The following C10orf67 variants were observed in gnomAD, a reference collection of about 807,000 sequenced individuals.
The protein encoded by C10orf67 is chromosome 10 open reading frame 67.
A neutral mutation model predicts 35.6 loss-of-function variants in C10orf67; 60 were observed. The ratio of observed to expected loss-of-function variants is 1.68; its 90% CI spans 1.37 to 2.09. The LOEUF is 2.09. Ranked by LOEUF, C10orf67 falls within the 30% of genes most tolerant of loss-of-function variation. The probability of loss-of-function intolerance (pLI) is 0.00; values close to 1 mark genes in which losing one functional copy is unlikely to be tolerated. For synonymous variants in C10orf67, 167 were observed against 115.8 expected, an observed-to-expected ratio of 1.44 and a Z score of -2.84; for missense variants, 474 against 330.2, an observed-to-expected ratio of 1.44 and a Z score of -3.38.
At chr10:23,274,816 G>C (rs1209624821) in intron 8 of C10orf67, among the ~76,000 whole-genome samples, 4 of 152,114 alleles carry the variant, frequency 2.6e-5, no homozygotes, top group Admixed American at 2.0e-4. Context: ...AATTATAAAA[G>C]TATTAATTTT....
At chr10:23,279,088 T>C (rs1843285197) in intron 8 of C10orf67, among the ~76,000 whole-genome samples, 1 of 152,208 alleles carries the variant, frequency 6.6e-6, no homozygotes, top group Admixed American at 6.5e-5. Context: ...CCTGTCTCTA[T>C]ATTTTATAAA....
intron 13 of C10orf67, among the ~76,000 whole-genome samples, chr10:23,226,887 C>T (rs924606890): frequency 2.6e-5 from 4 of 152,202 alleles, no homozygotes; most frequent in Admixed American, 2.0e-4. Flanking sequence ...AAGACTTAAC[C>T]AGGAAGAAGT....
At chr10:23,280,850 C>T (rs973271718) in intron 8 of C10orf67, among the ~76,000 whole-genome samples, 4 of 152,180 alleles carry the variant, frequency 2.6e-5, no homozygotes, top group African/African-American at 9.7e-5. Context: ...TCTATTGCTG[C>T]TAACAAACAA....
At chr10:23,337,803 C>G (rs1845745022) in intron 1 of C10orf67, among the ~76,000 whole-genome samples, 1 of 152,084 alleles carries the variant, frequency 6.6e-6, no homozygotes, top group Non-Finnish European at 1.5e-5. Context: ...GAAAAAACCT[C>G]AAGCCTGATT....
At chr10:23,208,059 G>A (rs908748211) in intron 15 of C10orf67, among the ~76,000 whole-genome samples, 5 of 152,134 alleles carry the variant, frequency 3.3e-5, no homozygotes, top group Non-Finnish European at 5.9e-5. Context: ...CTCTTAATAT[G>A]GAAGCGTTAG....
chr10:23,325,527 G>A (rs1355203986), intron 2 of C10orf67, among the ~76,000 whole-genome samples: 2 of 138,788 alleles, frequency 1.4e-5, no homozygotes, highest in African/African-American at 2.7e-5. Flanking sequence ...CAAGTTAATT[G>A]TGTGCAAAAA....
intron 8 of C10orf67, 90 bp from the exon 9 acceptor site, chr10:23,267,344 G>A (rs1195419641): frequency 8.3e-6 from 5 of 601,584 alleles, no homozygotes; most frequent in Non-Finnish European, 1.2e-5. Context: ...CAATGAAAGA[G>A]TAACGTTTTA....
chr10:23,306,364 A>C (rs1294255825), intron 4 of C10orf67, among the ~76,000 whole-genome samples: 6 of 151,918 alleles, frequency 3.9e-5, no homozygotes, highest in Non-Finnish European at 8.8e-5. Context: ...CTCTACTAAA[A>C]ATGCAAAAAA....
chr10:23,217,793 A>G (rs1049902610), intron 15 of C10orf67, among the ~76,000 whole-genome samples: 1 of 152,220 alleles, frequency 6.6e-6, no homozygotes, highest in Non-Finnish European at 1.5e-5. Context: ...TTAAAAACAT[A>G]TTAGACTGAA....
intron 1 of C10orf67, among the ~76,000 whole-genome samples, chr10:23,340,297 G>A (rs1845830853): frequency 6.7e-6 from 1 of 148,986 alleles, no homozygotes; most frequent in African/African-American, 2.5e-5. Flanking sequence ...TTGAGCTTAG[G>A]AGTTTGAGAC....
chr10:23,314,546 T>G (rs923646163), intron 4 of C10orf67, among the ~76,000 whole-genome samples: 5 of 150,484 alleles, frequency 3.3e-5, no homozygotes, highest in Non-Finnish European at 7.4e-5. Context: ...TATCTCACAG[T>G]TTCTGTTGGT....
chr10:23,278,698 G>A (rs1173446010), intron 8 of C10orf67, among the ~76,000 whole-genome samples: 3 of 152,154 alleles, frequency 2.0e-5, no homozygotes, highest in Middle Eastern at 3.2e-3. Context: ...TCTGACCTCC[G>A]ACCTGAAAGA....
intron 2 of C10orf67, among the ~76,000 whole-genome samples, chr10:23,326,245 G>C (rs913424797): frequency 6.6e-6 from 1 of 152,064 alleles, no homozygotes; most frequent in African/African-American, 2.4e-5. Flanking sequence ...TAATAATCAA[G>C]CTGTTGAAAA....
intron 13 of C10orf67, among the ~76,000 whole-genome samples, chr10:23,235,162 C>T (rs967171427): frequency 3.3e-5 from 5 of 151,622 alleles, no homozygotes; most frequent in South Asian, 2.1e-4. Context: ...AAAAGAATAG[C>T]GTAGTTGGAA....
At chr10:23,263,762 A>G (rs1238733740) in intron 10 of C10orf67, among the ~76,000 whole-genome samples, 2 of 152,244 alleles carry the variant, frequency 1.3e-5, no homozygotes, top group Non-Finnish European at 2.9e-5. Flanking sequence ...GGAAAACCTG[A>G]GAATCCATTT....
intron 13 of C10orf67, among the ~76,000 whole-genome samples, chr10:23,228,186 A>G (rs1272207438): frequency 7.9e-5 from 12 of 152,190 alleles, no homozygotes; most frequent in Admixed American, 7.2e-4. Flanking sequence ...CTGACTTCAA[A>G]CTATACTACA....
intron 4 of C10orf67, among the ~76,000 whole-genome samples, chr10:23,306,683 C>G (rs191059972): frequency 2.6e-5 from 4 of 152,220 alleles, no homozygotes; most frequent in African/African-American, 9.6e-5. Context: ...GTTAATAACG[C>G]TGTATTGTTT....
chr10:23,215,911 A>G (rs936236588), intron 15 of C10orf67, among the ~76,000 whole-genome samples: 1 of 152,190 alleles, frequency 6.6e-6, no homozygotes, highest in Non-Finnish European at 1.5e-5. Flanking sequence ...TCAATTTGTT[A>G]TAAAAACTTT....
chr10:23,324,812 A>G (rs977267858), intron 2 of C10orf67, among the ~76,000 whole-genome samples: 3 of 152,322 alleles, frequency 2.0e-5, no homozygotes, highest in Non-Finnish European at 4.4e-5. Context: ...TCTAATGTGA[A>G]ACATTCCCCT....
Sources: allele counts gnomAD v4.1 joint callset (sites outside exome capture counted in the v4.1 genomes callset), GRCh38; gene constraint gnomAD v4.1.1; transcripts MANE v1.5; gene names NCBI Gene and HGNC (gene_info 2026-07-23, HGNC 2026-07-21).